The following TIAM1 variants were observed in gnomAD, a reference collection of about 807,000 sequenced individuals.
TIAM1 encodes TIAM Rac1 associated GEF 1, also known as rho guanine nucleotide exchange factor TIAM1.
TIAM1 carries 65 observed loss-of-function variants against 163.5 expected under a neutral mutation model. That is an observed-to-expected ratio of 0.40 (90% CI 0.33 to 0.49). TIAM1 has a LOEUF of 0.49. TIAM1 is among the 20% of genes least tolerant of loss of function. TIAM1 has a pLI of 0.77. For missense variants in TIAM1, 1,789 were observed against 2,044.7 expected (o/e 0.87, Z 2.41); for synonymous variants, 833 against 810.1 (o/e 1.03, Z -0.48).
chr21:31,243,203 A>ATATATATATATATATATAT (rs1214097603), intron 6 of TIAM1, among the ~76,000 whole-genome samples: 10 of 132,728 alleles, frequency 7.5e-5, no homozygotes, highest in African/African-American at 3.1e-4. Flanking sequence ...AAAAAAAAAA[A>ATATATATATATATATATAT]AAAAAAATAT....
At chr21:31,297,738 C>A (rs953717064) in intron 2 of TIAM1, among the ~76,000 whole-genome samples, 1 of 152,068 alleles carries the variant, frequency 6.6e-6, no homozygotes, top group Non-Finnish European at 1.5e-5. Context: ...GTTACAATGG[C>A]CAATTTTGTG....
chr21:31,468,251 G>A (rs559339094), intron 1 of TIAM1, among the ~76,000 whole-genome samples: 15 of 152,084 alleles, frequency 9.9e-5, no homozygotes, highest in East Asian at 3.9e-4. Flanking sequence ...CAAGGCAGGC[G>A]GATCACTGGA....
chr21:31,233,916 T>A (rs2088586415), intron 6 of TIAM1, among the ~76,000 whole-genome samples: 1 of 152,164 alleles, frequency 6.6e-6, no homozygotes, highest in African/African-American at 2.4e-5. Context: ...AGTGGCAGGA[T>A]TCATCTCTGG....
At chr21:31,165,433 A>G (rs868025516) in intron 15 of TIAM1, among the ~76,000 whole-genome samples, 3 of 152,130 alleles carry the variant, frequency 2.0e-5, no homozygotes, top group South Asian at 4.1e-4. Context: ...CATGGATGAG[A>G]TTAGTGTCAT....
chr21:31,386,682 T>C (rs2147186055), intron 2 of TIAM1, among the ~76,000 whole-genome samples: 1 of 152,256 alleles, frequency 6.6e-6, no homozygotes, highest in Admixed American at 6.5e-5. Context: ...GTGTCCAACA[T>C]GTGCCACAGG....
intron 2 of TIAM1, among the ~76,000 whole-genome samples, chr21:31,402,175 T>C (rs2077176746): frequency 6.6e-6 from 1 of 152,014 alleles, no homozygotes; most frequent in African/African-American, 2.4e-5. Flanking sequence ...ATTGAGCCAC[T>C]GCACTGCAGC....
At chr21:31,187,640 G>C (rs561284633) in intron 13 of TIAM1, among the ~76,000 whole-genome samples, 1 of 152,286 alleles carries the variant, frequency 6.6e-6, no homozygotes, top group South Asian at 2.1e-4. Context: ...CACTCTAGCA[G>C]TATCTGATCA....
At chr21:31,142,877 G>A (rs972546069) in intron 20 of TIAM1, among the ~76,000 whole-genome samples, 1 of 152,128 alleles carries the variant, frequency 6.6e-6, no homozygotes, top group Non-Finnish European at 1.5e-5. Context: ...GGTTTGGGAA[G>A]CAGCCCTGGG....
chr21:31,489,448 AAGAAAGAAAG>A (rs559302044), intron 1 of TIAM1, among the ~76,000 whole-genome samples: 144 of 143,284 alleles, frequency 1.0e-3, no homozygotes, highest in African/African-American at 3.7e-3. Context: ...GCAGGAGGAG[AAGAAAGAAAG>A]AGAAAGAAAG....
At chr21:31,255,597 G>T (rs1419427550) in intron 4 of TIAM1, among the ~76,000 whole-genome samples, 1 of 152,198 alleles carries the variant, frequency 6.6e-6, no homozygotes, top group Admixed American at 6.5e-5. Flanking sequence ...GAGGAATACA[G>T]AAGACTGACA....
chr21:31,125,290 C>T (rs1374761588), intron 26 of TIAM1, among the ~76,000 whole-genome samples: 1 of 151,596 alleles, frequency 6.6e-6, no homozygotes, highest in Admixed American at 6.6e-5. Context: ...TATTTTTACC[C>T]AGGTAAGTTT....
chr21:31,359,553 G>A (rs993772855), intron 2 of TIAM1, among the ~76,000 whole-genome samples: 8 of 152,068 alleles, frequency 5.3e-5, no homozygotes, highest in Admixed American at 5.2e-4. Flanking sequence ...CCAGCACTTT[G>A]GGAGGCCGAG....
chr21:31,499,588 A>G (rs1350932886), intron 1 of TIAM1, among the ~76,000 whole-genome samples: 1 of 152,048 alleles, frequency 6.6e-6, no homozygotes, highest in African/African-American at 2.4e-5. Context: ...ACGGTGGCTC[A>G]CGCCTGTAAT....
chr21:31,121,113 A>G (rs966529345), intron 27 of TIAM1, among the ~76,000 whole-genome samples: 2 of 152,080 alleles, frequency 1.3e-5, no homozygotes, highest in Non-Finnish European at 2.9e-5. Context: ...GCAAAGGGGC[A>G]CTCAACTCCC....
At chr21:31,491,874 G>T (rs1333432461) in intron 1 of TIAM1, among the ~76,000 whole-genome samples, 2 of 152,142 alleles carry the variant, frequency 1.3e-5, no homozygotes, top group African/African-American at 4.8e-5. Flanking sequence ...AAATCATCTT[G>T]TTAAAGATAA....
At chr21:31,437,924 A>G (rs949412004) in intron 2 of TIAM1, among the ~76,000 whole-genome samples, 1 of 152,208 alleles carries the variant, frequency 6.6e-6, no homozygotes, top group East Asian at 1.9e-4. Context: ...TGGATATTCC[A>G]TAACTTACTT....
chr21:31,551,539 G>A (rs1455218589), intron 1 of TIAM1, among the ~76,000 whole-genome samples: 5 of 152,094 alleles, frequency 3.3e-5, no homozygotes, highest in African/African-American at 1.2e-4. Context: ...AGGAGTTCAA[G>A]ACCAGCCTGA....
At chr21:31,414,920 A>G (rs10483005) in intron 2 of TIAM1, among the ~76,000 whole-genome samples, 3,099 of 152,178 alleles carry the variant, frequency 0.02, 91 homozygotes, top group African/African-American at 0.071. Flanking sequence ...ATCATCACGC[A>G]CTCCAAGGAA....
chr21:31,508,034 CA>C (rs1161476635), intron 1 of TIAM1, among the ~76,000 whole-genome samples: 23 of 152,152 alleles, frequency 1.5e-4, no homozygotes, highest in African/African-American at 5.6e-4. Flanking sequence ...GACTTGGACA[CA>C]GACAGACATG....
Sources: allele counts gnomAD v4.1 joint callset (sites outside exome capture counted in the v4.1 genomes callset), GRCh38; gene constraint gnomAD v4.1.1; transcripts MANE v1.5; gene names NCBI Gene and HGNC (gene_info 2026-07-23, HGNC 2026-07-21).